Variants in LHFPL3 observed in about 807,000 individuals in gnomAD.
LHFPL3 encodes the protein LHFPL tetraspan subfamily member 3 protein.
In LHFPL3, 5 loss-of-function variants were observed where a neutral mutation model predicts 19.3. The observed-to-expected ratio is 0.26, with a 90% confidence interval of 0.14 to 0.54. LHFPL3 has a LOEUF of 0.54. LHFPL3 is among the 20% of genes least tolerant of loss of function. The pLI, the probability that LHFPL3 is intolerant of heterozygous loss-of-function variation, is 0.94. For synonymous variants in LHFPL3, 133 were observed against 126.2 expected (o/e 1.05, Z -0.36); for missense variants, 249 against 307.4 (o/e 0.81, Z 1.42).
intron 1 of LHFPL3, among the ~76,000 whole-genome samples, chr7:104,504,544 C>T (rs558715198): frequency 1.3e-5 from 2 of 152,318 alleles, no homozygotes; most frequent in South Asian, 2.1e-4. Flanking sequence ...CAATAGCAAT[C>T]CTCCTGATTG....
At chr7:104,879,849 A>C (rs1158071454) in intron 2 of LHFPL3, among the ~76,000 whole-genome samples, 1 of 152,246 alleles carries the variant, frequency 6.6e-6, no homozygotes, top group Non-Finnish European at 1.5e-5. Context: ...ACATTGGAAG[A>C]AGATGCCATG....
intron 1 of LHFPL3, among the ~76,000 whole-genome samples, chr7:104,597,545 C>G (rs1179408647): frequency 2.6e-5 from 4 of 152,114 alleles, no homozygotes; most frequent in Non-Finnish European, 1.5e-5. Flanking sequence ...ATAGATACAG[C>G]CTGCCTCTAT....
At chr7:104,717,814 A>C (rs1170565062) in intron 1 of LHFPL3, among the ~76,000 whole-genome samples, 1 of 152,210 alleles carries the variant, frequency 6.6e-6, no homozygotes, top group African/African-American at 2.4e-5. Context: ...ATTATTCCAA[A>C]AGAATTGAAA....
intron 1 of LHFPL3, among the ~76,000 whole-genome samples, chr7:104,488,081 C>T (rs1793271265): frequency 6.6e-6 from 1 of 152,154 alleles, no homozygotes; most frequent in African/African-American, 2.4e-5. Context: ...ATTGCAAACT[C>T]TACTGGCAAT....
intron 1 of LHFPL3, among the ~76,000 whole-genome samples, chr7:104,562,175 C>T (rs1253110997): frequency 4.0e-5 from 6 of 151,820 alleles, no homozygotes; most frequent in Non-Finnish European, 1.5e-5. Flanking sequence ...AGTTGCTCTT[C>T]TCGAGGAGTG....
At chr7:104,470,204 G>A in intron 1 of LHFPL3, 9 of 390,592 alleles carry the variant, frequency 2.3e-5, no homozygotes, top group Admixed American at 8.7e-5. Context: ...GCAAGAAATG[G>A]AAAAAAATGA....
intron 2 of LHFPL3, among the ~76,000 whole-genome samples, chr7:104,789,447 C>G (rs1789981512): frequency 6.6e-6 from 1 of 152,098 alleles, no homozygotes; most frequent in African/African-American, 2.4e-5. Flanking sequence ...GATTTCTGGG[C>G]TTTTCCATGT....
chr7:104,642,781 C>T lies in LHFPL3; in HGVS notation c.446-93894C>T, dbSNP rs143239748. ...GGCTTCCATCTGCTGCCAGATCCGT[C>T]AGAAGGCAGCTGGTGGAAGCCTAAG... is the stretch of plus-strand genomic sequence containing the variant. On this transcript the variant is annotated intron_variant, in intron 1 of 2. Coordinates refer to ENST00000424859, the MANE Select transcript of LHFPL3 (RefSeq NM_199000.3). 1.1e-4 allele frequency among the ~76,000 whole-genome samples: 16 copies of T among 152,314 alleles called. No individual in the cohort carries two copies. In the East Asian group the frequency reaches 3.1e-3, roughly 29 times the overall value.
intron 2 of LHFPL3, among the ~76,000 whole-genome samples, chr7:104,825,767 G>C (rs889796856): frequency 6.6e-6 from 1 of 151,872 alleles, no homozygotes; most frequent in African/African-American, 2.4e-5. Flanking sequence ...TCATAAGATA[G>C]TTGCAGCAGC....
chr7:104,531,630 G>A (rs1794297249), intron 1 of LHFPL3, among the ~76,000 whole-genome samples: 1 of 152,122 alleles, frequency 6.6e-6, no homozygotes, highest in Admixed American at 6.6e-5. Flanking sequence ...TTACTCCCAG[G>A]TGTATGACAT....
intron 2 of LHFPL3, among the ~76,000 whole-genome samples, chr7:104,892,358 C>T (rs1484422969): frequency 6.6e-6 from 1 of 152,002 alleles, no homozygotes; most frequent in Non-Finnish European, 1.5e-5. Context: ...GTGTTCAGCT[C>T]ACTGTAAAAA....
chr7:104,537,905 G>A lies in LHFPL3; in HGVS notation c.446-198770G>A, dbSNP rs938009705. On this transcript the variant is annotated intron_variant, in intron 1 of 2. Coordinates refer to ENST00000424859, the MANE Select transcript of LHFPL3 (RefSeq NM_199000.3). ...TACTTTCCATCAAGGTCCTTCTTGG[G>A]CAGGTAAAGGCTACTCTGAAGCCAG... is the stretch of plus-strand genomic sequence containing the variant. 3.9e-5 allele frequency among the ~76,000 whole-genome samples: 6 copies of A among 152,262 alleles called. No individual in the cohort carries two copies. The East Asian group carries it at 1.2e-3, about 29-fold the overall frequency.
chr7:104,331,664 T>C (rs1801569316), intron 1 of LHFPL3, among the ~76,000 whole-genome samples: 1 of 152,162 alleles, frequency 6.6e-6, no homozygotes, highest in Non-Finnish European at 1.5e-5. Flanking sequence ...GAAAGTTTAG[T>C]CTAGGCCGGG....
rs569463806 is a variant in LHFPL3, at chr7:104,414,709, C to T, written c.445+85485C>T. ...GTACAAACAAGGCCTTATTGACCTT[C>T]GCAGCTAAGCGGTGATCCAAAACAG... On this transcript the variant is annotated intron_variant, in intron 1 of 2. Coordinates refer to ENST00000424859, the MANE Select transcript of LHFPL3 (RefSeq NM_199000.3). 3.3e-4 allele frequency among the ~76,000 whole-genome samples: 50 copies of T among 152,332 alleles called. 1 individual carries two copies. The highest frequency in any genetic ancestry group is 3.1e-3 in the Admixed American group (48 of 15,300).
At chr7:104,507,674 C>T (rs1472438184) in intron 1 of LHFPL3, among the ~76,000 whole-genome samples, 4 of 120,606 alleles carry the variant, frequency 3.3e-5, no homozygotes, top group Non-Finnish European at 7.0e-5. Context: ...AACAGGCAAC[C>T]TACAAAATGG....
intron 2 of LHFPL3, among the ~76,000 whole-genome samples, chr7:104,827,811 C>T (rs77530195): frequency 0.011 from 1,697 of 151,966 alleles, 67 homozygotes; most frequent in African/African-American, 0.039. Flanking sequence ...CATCTCACCA[C>T]GTGAACTCCT....
intron 1 of LHFPL3, among the ~76,000 whole-genome samples, chr7:104,621,544 C>T (rs1209900458): frequency 1.3e-5 from 2 of 152,152 alleles, no homozygotes; most frequent in African/African-American, 2.4e-5. Flanking sequence ...GAACTTTCAC[C>T]AGAGCTTCCA....
At chr7:104,880,628 G>T (rs1481193860) in intron 2 of LHFPL3, among the ~76,000 whole-genome samples, 2 of 150,762 alleles carry the variant, frequency 1.3e-5, no homozygotes, top group Admixed American at 6.6e-5. Flanking sequence ...TTACAGCATG[G>T]TTTACTTAAT....
chr7:104,658,851 G>T (rs968173365), intron 1 of LHFPL3, among the ~76,000 whole-genome samples: 2 of 152,126 alleles, frequency 1.3e-5, no homozygotes, highest in Non-Finnish European at 2.9e-5. Context: ...TCAAATGTGG[G>T]TATCCCAGGA....
Sources: gnomAD v4.1 joint callset for allele counts (sites outside exome capture counted in the v4.1 genomes callset) on GRCh38, gnomAD v4.1.1 for gene constraint, MANE v1.5 for transcripts, NCBI Gene and HGNC (gene_info 2026-07-23, HGNC 2026-07-21) for gene names.